CYRIB: variants seen among roughly 807,000 people sequenced by gnomAD.
CYRIB encodes CYFIP-related Rac1 interactor B.
In CYRIB, 8 loss-of-function variants were observed where a neutral mutation model predicts 44.2. The observed-to-expected ratio is 0.18, with a 90% CI of 0.11 to 0.33. CYRIB has a LOEUF of 0.33. CYRIB is among the 10% of genes least tolerant of loss of function. The pLI, the probability that CYRIB is intolerant of heterozygous loss-of-function variation, is 1.00. For missense variants in CYRIB, 185 were observed against 382.8 expected (o/e 0.48, Z 4.31); for synonymous variants, 131 against 127.2 (o/e 1.03, Z -0.20).
intron 1 of CYRIB, among the ~76,000 whole-genome samples, chr8:129,998,938 G>C (rs758175056): frequency 3.9e-5 from 6 of 152,088 alleles, no homozygotes; most frequent in Non-Finnish European, 8.8e-5. Flanking sequence ...AAGACATGGT[G>C]CTCGATCAAT....
chr8:129,930,365 T>TTATATATATA lies in CYRIB; in HGVS notation c.-50+9233_-50+9242dup, dbSNP rs1554659983. ...TCAACTAGGAAGAATTGTGAAGTGC[T>TTATATATATA]TATATATATATATATTTTAATTATT... is the stretch of plus-strand genomic sequence containing the variant. On this transcript the variant is annotated intron_variant, in intron 1 of 11. Coordinates refer to ENST00000519824, the Ensembl canonical transcript of CYRIB. Among the ~76,000 whole-genome samples, 74 of 50,406 alleles carry TTATATATATA rather than the reference T, an allele frequency of 1.5e-3. 11 individuals carry two copies. Among genetic ancestry groups the TTATATATATA allele is most frequent in the South Asian group, 5.0e-3 (7 of 1,412 alleles). 33.1% of individuals were successfully genotyped at this position (50,406 alleles called of 152,430 possible).
At chr8:129,976,633 T>C (rs1419224490) in intron 1 of CYRIB, among the ~76,000 whole-genome samples, 3 of 152,200 alleles carry the variant, frequency 2.0e-5, no homozygotes, top group Non-Finnish European at 4.4e-5. Context: ...AGGCTAATAC[T>C]GCAATTAGTT....
chr8:129,991,078 G>A (rs567722174), intron 1 of CYRIB, among the ~76,000 whole-genome samples: 1 of 146,616 alleles, frequency 6.8e-6, no homozygotes, highest in Non-Finnish European at 1.5e-5. Flanking sequence ...GTTGCAGTGA[G>A]CCGAGATCGC....
chr8:129,877,051 A>G (rs1006420135), intron 3 of CYRIB, among the ~76,000 whole-genome samples: 1 of 152,234 alleles, frequency 6.6e-6, no homozygotes, highest in African/African-American at 2.4e-5. Flanking sequence ...TTACAAACGC[A>G]TATTTCCAAA....
intron 1 of CYRIB, among the ~76,000 whole-genome samples, chr8:129,939,224 T>A (rs1247763442): frequency 4.2e-5 from 4 of 95,320 alleles, no homozygotes; most frequent in Non-Finnish European, 6.4e-5. Context: ...GAGGAAGGAG[T>A]GGTGGGAGCC....
chr8:129,930,762 A>C (rs1180833388), intron 1 of CYRIB, among the ~76,000 whole-genome samples: 1 of 152,210 alleles, frequency 6.6e-6, no homozygotes, highest in Non-Finnish European at 1.5e-5. Context: ...GCAGTTCCAA[A>C]TATCAAAAAG....
In CYRIB at chr8:129,982,588, T is replaced by C. The variant is rs551926768; in HGVS notation, c.-295-11593A>G. Reference sequence around the variant, plus strand: ...CAATACAGCACTTCTTAGGGAATCTTGTTGCTTCATCTGTAATCCTCACAA... The same window carrying C: ...CAATACAGCACTTCTTAGGGAATCTCGTTGCTTCATCTGTAATCCTCACAA... On this transcript the variant is annotated intron_variant, in intron 1 of 14. Transcript: ENST00000401979. Among the ~76,000 whole-genome samples, 15 of 152,342 alleles carry C rather than the reference T, an allele frequency of 9.8e-5. No homozygotes were observed. In the South Asian group the frequency reaches 3.1e-3, roughly 32 times the overall value.
intron 3 of CYRIB, among the ~76,000 whole-genome samples, chr8:129,879,002 CT>C (rs1028420716): frequency 1.2e-4 from 19 of 152,162 alleles, no homozygotes; most frequent in African/African-American, 4.3e-4. Context: ...CCTACAATAA[CT>C]GAAACCTGGT....
intron 7 of CYRIB, among the ~76,000 whole-genome samples, chr8:129,852,572 G>A (rs2043886913): frequency 4.6e-5 from 7 of 151,992 alleles, no homozygotes; most frequent in South Asian, 4.1e-4. Context: ...AAATTGTACC[G>A]TCCTCCATTA....
chr8:129,862,381 AGGTTC>A, intron 4 of CYRIB, 47 bp from the exon 7 acceptor site: 4 of 1,355,984 alleles, frequency 2.9e-6, no homozygotes, highest in Non-Finnish European at 4.1e-6. Flanking sequence ...AAAAAAAAAA[AGGTTC>A]ATTTTTACAT....
chr8:129,885,262 T>G (rs2062282626), intron 2 of CYRIB, among the ~76,000 whole-genome samples: 1 of 152,224 alleles, frequency 6.6e-6, no homozygotes, highest in African/African-American at 2.4e-5. Context: ...GAGGCCTTTC[T>G]CTGCCAACCT....
chr8:129,996,967 C>A (rs1364229074), intron 1 of CYRIB, among the ~76,000 whole-genome samples: 1 of 150,852 alleles, frequency 6.6e-6, no homozygotes, highest in Non-Finnish European at 1.5e-5. Flanking sequence ...CCAGCGTGAA[C>A]ACAGGCAAAA....
intron 2 of CYRIB, among the ~76,000 whole-genome samples, chr8:129,947,359 C>A (rs2094220550): frequency 6.6e-6 from 1 of 152,078 alleles, no homozygotes; most frequent in Non-Finnish European, 1.5e-5. Context: ...TGTGCCCAGT[C>A]TCTAATTATT....
At chr8:130,015,623 C>T (rs759258625) in intron 1 of CYRIB, among the ~76,000 whole-genome samples, 1 of 152,158 alleles carries the variant, frequency 6.6e-6, no homozygotes, top group African/African-American at 2.4e-5. Context: ...GGTAAGACCT[C>T]GATTCCTCCT....
chr8:129,974,156 A>G (rs2095826290), intron 1 of CYRIB, among the ~76,000 whole-genome samples: 1 of 152,178 alleles, frequency 6.6e-6, no homozygotes, highest in Admixed American at 6.5e-5. Context: ...ACTCTGTAGG[A>G]GACTCTGCCC....
intron 1 of CYRIB, among the ~76,000 whole-genome samples, chr8:130,004,269 CTTTTT>C (rs2096979569): frequency 6.6e-6 from 1 of 152,084 alleles, no homozygotes; most frequent in South Asian, 2.1e-4. Context: ...CCCTCATTTT[CTTTTT>C]TATTTTTTGT....
chr8:129,883,275 C>T (rs1429662738), intron 2 of CYRIB, among the ~76,000 whole-genome samples: 1 of 151,950 alleles, frequency 6.6e-6, no homozygotes, highest in African/African-American at 2.4e-5. Flanking sequence ...CTTCAATCCA[C>T]TAGATACTAG....
intron 1 of CYRIB, among the ~76,000 whole-genome samples, chr8:129,935,883 C>T (rs533394177): frequency 2.0e-5 from 3 of 152,220 alleles, no homozygotes; most frequent in Non-Finnish European, 2.9e-5. Context: ...GTACCATTAT[C>T]GAGATGTGAA....
At chr8:129,983,008 T>C (rs1438609783) in intron 1 of CYRIB, among the ~76,000 whole-genome samples, 3 of 108,170 alleles carry the variant, frequency 2.8e-5, no homozygotes, top group Non-Finnish European at 5.2e-5. Context: ...AGTAGAGCTG[T>C]TAAAAAAAAA....
Sources: allele counts gnomAD v4.1 joint callset (sites outside exome capture counted in the v4.1 genomes callset), GRCh38; gene constraint gnomAD v4.1.1; transcripts MANE v1.5; gene names NCBI Gene and HGNC (gene_info 2026-07-23, HGNC 2026-07-21).